RAB4A: variants seen among roughly 807,000 people sequenced by gnomAD.
RAB4A encodes RAB4A, member RAS oncogene family, also known as ras-related protein Rab-4A.
A neutral mutation model predicts 34.5 loss-of-function variants in RAB4A; 20 were observed. That is an observed-to-expected ratio of 0.58 (90% CI 0.41 to 0.84). The LOEUF is 0.84. Ranked by LOEUF, RAB4A falls within the 40% of genes least tolerant of loss-of-function variation. RAB4A has a pLI of 0.00. For synonymous variants in RAB4A, 102 were observed against 100.0 expected, an observed-to-expected ratio of 1.02 and a Z score of -0.12; for missense variants, 228 against 274.5, an observed-to-expected ratio of 0.83 and a Z score of 1.20.
intron 1 of RAB4A, among the ~76,000 whole-genome samples, chr1:229,275,363 C>A (rs1156508610): frequency 6.6e-6 from 1 of 152,146 alleles, no homozygotes; most frequent in Non-Finnish European, 1.5e-5. Context: ...AAGGAGGGAT[C>A]CTTCCCTTGA....
At chr1:229,281,844 ATATC>A (rs1190394503) in intron 1 of RAB4A, among the ~76,000 whole-genome samples, 3 of 122,890 alleles carry the variant, frequency 2.4e-5, no homozygotes, top group Non-Finnish European at 5.2e-5. Flanking sequence ...ATATATATAT[ATATC>A]ATAGTTTACT....
chr1:229,291,702 AAGAG>A (rs1219939476), intron 3 of RAB4A, among the ~76,000 whole-genome samples: 1 of 152,154 alleles, frequency 6.6e-6, no homozygotes, highest in Non-Finnish European at 1.5e-5. Context: ...AGTTACCAGA[AAGAG>A]AGAACTCACC....
At chr1:229,275,722 G>T (rs978943159) in intron 1 of RAB4A, among the ~76,000 whole-genome samples, 7 of 149,812 alleles carry the variant, frequency 4.7e-5, no homozygotes, top group Non-Finnish European at 1.0e-4. Flanking sequence ...CCGGGTTCAA[G>T]CGATTCTCCT....
At chr1:229,273,436 G>A (rs1163380151) in intron 1 of RAB4A, among the ~76,000 whole-genome samples, 1 of 152,132 alleles carries the variant, frequency 6.6e-6, no homozygotes, top group Non-Finnish European at 1.5e-5. Context: ...AAAACTAGTA[G>A]AAACTAATAA....
chr1:229,285,568 G>C (rs1374150997), intron 1 of RAB4A, among the ~76,000 whole-genome samples: 3 of 152,102 alleles, frequency 2.0e-5, no homozygotes, highest in East Asian at 3.9e-4. Context: ...GGGGAGCCAG[G>C]AATACAGAGC....
At position 229,304,789 on chromosome 1, in the gene RAB4A, G is replaced by C. The variant is rs1657504599; in HGVS notation, c.*996G>C. ...ACCACTCATTAAGAAATTTCTTTAT[G>C]GCTTCTGCTGAATACTTAAATGCCT... On this transcript the variant is annotated 3_prime_UTR_variant, in exon 8 of 8. Transcript: ENST00000366690. 6.5e-6 allele frequency: 1 copy of C among 154,798 alleles called. No homozygotes were observed. The highest frequency in any genetic ancestry group is 6.5e-5 in the Admixed American group (1 of 15,332). 9.6% of individuals were successfully genotyped at this position (154,798 alleles called of 1,614,324 possible). A position where few individuals can be genotyped will look rare whatever the true frequency, so the allele number is the denominator to read the frequency against.
chr1:229,281,671 TCA>T (rs1004543132), intron 1 of RAB4A, among the ~76,000 whole-genome samples: 14 of 151,982 alleles, frequency 9.2e-5, no homozygotes, highest in African/African-American at 3.1e-4. Flanking sequence ...ATTTTATTTC[TCA>T]GTTTTCTTTT....
rs189283136 is a variant in RAB4A, at chr1:229,283,384, A to T, written c.32-3102A>T. On this transcript the variant is annotated intron_variant, in intron 1 of 7. Transcript: ENST00000366690. ...TGTAGCCTTGCAAGGGTGGAAGTTT[A>T]GGCTCCCCATTCGGCCTTTGCTGGC... is the stretch of plus-strand genomic sequence containing the variant. Among the ~76,000 whole-genome samples the T allele has an allele frequency of 1.2e-4, 18 of 152,310 alleles. No homozygotes were observed. The East Asian group carries it at 3.3e-3, about 28-fold the overall frequency.
chr1:229,291,498 CTG>C (rs1325190729), intron 3 of RAB4A, among the ~76,000 whole-genome samples: 1 of 152,206 alleles, frequency 6.6e-6, no homozygotes, highest in African/African-American at 2.4e-5. Context: ...GCTCACGACT[CTG>C]TCAGAGCGGG....
Position 229,288,630 on chromosome 1 carries a change from C to A in RAB4A, c.113-99C>A, listed in dbSNP as rs897350170. The A allele has an allele frequency of 4.1e-5, 26 of 639,548 alleles. 1 individual carries two copies. In the East Asian group the frequency reaches 6.3e-4, roughly 16 times the overall value. 39.6% of individuals were successfully genotyped at this position (639,548 alleles called of 1,614,324 possible). A position where few individuals can be genotyped will look rare whatever the true frequency, so the allele number is the denominator to read the frequency against. On this transcript the variant is annotated intron_variant, in intron 2 of 7. Transcript: ENST00000366690. ...TGAATGGCTAGAGTAATGTCCATTC[C>A]CCATTGATGTAACTCTTGGTTTTAG...
chr1:229,298,846 A>ATATATT, intron 5 of RAB4A, 131 bp from the exon 6 acceptor site: 1 of 663,250 alleles, frequency 1.5e-6, no homozygotes, highest in Non-Finnish European at 2.6e-6. Context: ...TTATATTTAC[A>ATATATT]GAAATATATG....
chr1:229,305,163 T>A lies in RAB4A; in HGVS notation c.*1370T>A, dbSNP rs983401539. On this transcript the variant is annotated 3_prime_UTR_variant, in exon 8 of 8. Coordinates refer to ENST00000366690, the MANE Select transcript of RAB4A (RefSeq NM_004578.4). ...ACTAGGATAAAAATATCAGTATGTA[T>A]CTGTTTTAGATATTTTGAGTTTTGC... The A allele has an allele frequency of 1.2e-6, 2 of 1,602,244 alleles. No homozygotes were observed. Among genetic ancestry groups the A allele is most frequent in the African/African-American group, 2.7e-5 (2 of 74,368 alleles).
chr1:229,302,823 TA>T (rs1558242700), intron 6 of RAB4A, 38 bp from the exon 7 acceptor site: 6 of 1,397,032 alleles, frequency 4.3e-6, no homozygotes, highest in Non-Finnish European at 6.0e-6. Context: ...CAAAGAAACA[TA>T]AAAGCCTTTT....
At chr1:229,275,941 A>G (rs930491138) in intron 1 of RAB4A, among the ~76,000 whole-genome samples, 2 of 151,150 alleles carry the variant, frequency 1.3e-5, no homozygotes, top group African/African-American at 2.5e-5. Flanking sequence ...TAGCATTTCA[A>G]AGTCACCTGG....
At chr1:229,295,642 A>T (rs1657232553) in intron 3 of RAB4A, among the ~76,000 whole-genome samples, 3 of 152,008 alleles carry the variant, frequency 2.0e-5, no homozygotes, top group African/African-American at 7.2e-5. Context: ...CTGTGAAGGA[A>T]TCTCCTACTT....
chr1:229,305,406 A>T lies in RAB4A; in HGVS notation c.*1613A>T. The T allele has an allele frequency of 1.0e-6, 1 of 988,620 alleles. No individual in the cohort carries two copies. The highest frequency in any genetic ancestry group is 1.4e-6 in the Non-Finnish European group (1 of 701,618). The allele number at this position is 988,620 out of a possible 1,614,324, so 61.2% of individuals were successfully genotyped here. On this transcript the variant is annotated 3_prime_UTR_variant, in exon 8 of 8. Coordinates refer to ENST00000366690, the MANE Select transcript of RAB4A (RefSeq NM_004578.4). ...AAAGCAAGAATTTTAAAAATAAGAT[A>T]AATGTAAAGTTGTTTTATAAACGAT...
Position 229,288,836 on chromosome 1 carries a change from C to T in RAB4A, c.220C>T (p.Arg74Ter), listed in dbSNP as rs1656989063. 6.6e-7 allele frequency: 1 copy of T among 1,507,372 alleles called. No homozygotes were observed. The highest frequency in any genetic ancestry group is 9.1e-7 in the Non-Finnish European group (1 of 1,094,410). 93.4% of individuals were successfully genotyped at this position (1,507,372 alleles called of 1,614,324 possible). ...AATATGGGATACAGCAGGACAAGAA[C>T]GATTCAGGTAGCTTTTCTCTAACTT... is the stretch of plus-strand genomic sequence containing the variant. ...LQIWDTAGQE[R>*]FRSVTRSYYR... The change falls in exon 3 of 8, where the codon CGA (arginine) becomes TGA (stop). Residue 74 changes from arginine to a stop codon, truncating the protein, a stop_gained. Transcript: ENST00000366690. LOFTEE classifies it high-confidence loss of function.
intron 1 of RAB4A, among the ~76,000 whole-genome samples, chr1:229,283,313 T>G (rs917615335): frequency 6.6e-6 from 1 of 152,240 alleles, no homozygotes; most frequent in African/African-American, 2.4e-5. Context: ...GCTCCCTACT[T>G]GGTCTTCTCT....
intron 3 of RAB4A, 117 bp from the exon 4 acceptor site, chr1:229,295,731 C>T: frequency 1.1e-6 from 1 of 871,838 alleles, no homozygotes; most frequent in Non-Finnish European, 1.9e-6. Context: ...TCTTTTAAAC[C>T]AGTGTCTGTC....
Sources: allele counts gnomAD v4.1 joint callset (sites outside exome capture counted in the v4.1 genomes callset), GRCh38; gene constraint gnomAD v4.1.1; transcripts MANE v1.5; gene names NCBI Gene and HGNC (gene_info 2026-07-23, HGNC 2026-07-21).